IK: variants seen among roughly 807,000 people sequenced by gnomAD.
IK encodes the protein protein Red.
In IK, 47 loss-of-function variants were observed where a neutral mutation model predicts 90.9. The observed-to-expected ratio is 0.52, with a 90% confidence interval of 0.41 to 0.66. IK has a LOEUF of 0.66. IK is among the 30% of genes least tolerant of loss of function. IK has a pLI of 0.00. For synonymous variants in IK, 201 were observed against 227.5 expected (o/e 0.88, Z 1.05); for missense variants, 385 against 709.3 (o/e 0.54, Z 5.19).
chr5:140,661,072 G>A lies in IK; in HGVS notation c.1413+257G>A. The A allele has an allele frequency of 2.3e-6, 1 of 427,514 alleles. No individual in the cohort carries two copies. The highest frequency in any genetic ancestry group is 4.1e-6 in the Non-Finnish European group (1 of 243,062). 26.5% of individuals were successfully genotyped at this position (427,514 alleles called of 1,614,324 possible). A position where few individuals can be genotyped will look rare whatever the true frequency, so the allele number is the denominator to read the frequency against. ...GTGCCAGGCTTTGATTCCCATGGTA[G>A]GCAGTAAGCAAGCATCAATGCATAA... is the stretch of plus-strand genomic sequence containing the variant. On this transcript the variant is annotated intron_variant, in intron 16 of 19. Coordinates refer to ENST00000417647, the MANE Select transcript of IK (RefSeq NM_006083.4). The surrounding 1 kb of genome is among the most constrained non-coding windows in gnomAD (Gnocchi z 4.2).
At position 140,662,422 on chromosome 5, in the gene IK, A is replaced by G. The variant is rs1561982047; in HGVS notation, c.*93A>G. The G allele has an allele frequency of 7.5e-7, 1 of 1,338,184 alleles. No homozygotes were observed. Among genetic ancestry groups the G allele is most frequent in the African/African-American group, 1.5e-5 (1 of 68,808 alleles). The allele number at this position is 1,338,184 out of a possible 1,614,324, so 82.9% of individuals were successfully genotyped here. On this transcript the variant is annotated 3_prime_UTR_variant, in exon 20 of 20. Transcript: ENST00000417647. Reference sequence around the variant, plus strand: ...AAGGTTGCAAGATGTTTTTTTGTGGATGAATATAAAATTTTATTGTGTAAT... The same window carrying G: ...AAGGTTGCAAGATGTTTTTTTGTGGGTGAATATAAAATTTTATTGTGTAAT...
rs999061512 is a variant in IK, at chr5:140,659,955, C to T, written c.1274+121C>T. The T allele has an allele frequency of 2.5e-5, 23 of 933,254 alleles. No individual in the cohort carries two copies. The Admixed American group carries it at 2.7e-4, about 11-fold the overall frequency. 57.8% of individuals were successfully genotyped at this position (933,254 alleles called of 1,614,324 possible). On this transcript the variant is annotated intron_variant, in intron 14 of 19. Coordinates refer to ENST00000417647, the MANE Select transcript of IK (RefSeq NM_006083.4). ...CCTTCCCTTTTACGCTGAATTTTGA[C>T]AGAATGAAACCATCCCTTGTTCCTT...
intron 1 of IK, 83 bp downstream of exon 1, chr5:140,648,007 GGTGTGTGTGTGTGTGTGTGTGTGTGTGT>G: frequency 1.1e-6 from 1 of 930,684 alleles, no homozygotes; most frequent in Non-Finnish European, 1.7e-6. Context: ...GCTTAAGCCG[GGTGTGTGTGTGTGTGTGTGTGTGTGTGT>G]GTGTGTGTGT....
In IK at chr5:140,652,149, T is replaced by TGAAG. The variant is rs755686736; in HGVS notation, c.236+8_236+11dup. ...TGCACGAAGGAGGAAAAAGAAAAGG[T>TGAAG]GAAGGAAGGGTGAAGGGTTTTAGAT... On this transcript the variant is annotated splice_region_variant and intron_variant, in intron 4 of 19. Transcript: ENST00000417647. 5.0e-6 allele frequency: 8 copies of TGAAG among 1,610,810 alleles called. No individual in the cohort carries two copies. In the East Asian group the frequency reaches 1.8e-4, roughly 36 times the overall value.
rs767608350 is a variant in IK, at chr5:140,654,076, G to T, written c.519+24G>T. On this transcript the variant is annotated intron_variant, in intron 6 of 19. Transcript: ENST00000417647. Reference sequence around the variant, plus strand: ...AGGTGAGTCCTGGTGGTCAGGTGGGGAGTAATACTGTCGTGCTGAATGCTC... The same window carrying T: ...AGGTGAGTCCTGGTGGTCAGGTGGGTAGTAATACTGTCGTGCTGAATGCTC... 4 of 1,337,934 alleles carry T rather than the reference G, an allele frequency of 3.0e-6. No individual in the cohort carries two copies. The African/African-American group carries it at 4.3e-5, about 14-fold the overall frequency. 82.9% of individuals were successfully genotyped at this position (1,337,934 alleles called of 1,614,324 possible). A position where few individuals can be genotyped will look rare whatever the true frequency, so the allele number is the denominator to read the frequency against.
At chr5:140,659,190 G>GT (rs1757761538) in intron 12 of IK, 26 bp downstream of exon 12, 1 of 1,595,244 alleles carries the variant, frequency 6.3e-7, no homozygotes, top group Non-Finnish European at 8.5e-7. Flanking sequence ...TTAGTACCAG[G>GT]TGATGGAGTT....
At chr5:140,660,254 G>A in intron 15 of IK, 59 bp downstream of exon 15, 1 of 965,038 alleles carries the variant, frequency 1.0e-6, no homozygotes, top group African/African-American at 1.8e-5. Flanking sequence ...AGTTGGGGGT[G>A]AAATGGAAAT....
Position 140,648,550 on chromosome 5 carries a change from T to A in IK, c.83+13T>A, listed in dbSNP as rs1448596112. 6.2e-7 allele frequency: 1 copy of A among 1,612,584 alleles called. No individual in the cohort carries two copies. Among genetic ancestry groups the A allele is most frequent in the South Asian group, 1.1e-5 (1 of 91,050 alleles). On this transcript the variant is annotated intron_variant, in intron 2 of 19. Transcript: ENST00000417647. ...ACTCCTTCCACCAGTGAGTATTTTG[T>A]GCTAGGACCATGGAAATGAGTTGGG...
At position 140,658,969 on chromosome 5, in the gene IK, C is replaced by T. The variant is rs1273111322; in HGVS notation, c.981C>T (p.Pro327=). The change falls in exon 12 of 20, where the codon CCC becomes CCT. Residue 327 remains proline, a synonymous_variant. Transcript: ENST00000417647. ...TTGAAGACATTGGGGATTACGTACC[C>T]TCCACAACCAAGACACCTCGGGACA... ...NIFEDIGDYV[P]STTKTPRDKE... 6.2e-7 allele frequency: 1 copy of T among 1,613,950 alleles called. No homozygotes were observed. The highest frequency in any genetic ancestry group is 8.5e-7 in the Non-Finnish European group (1 of 1,179,888).
At chr5:140,648,693 A>T (rs1757546260) in intron 2 of IK, among the ~76,000 whole-genome samples, 156 bp downstream of exon 2, 1 of 152,076 alleles carries the variant, frequency 6.6e-6, no homozygotes, top group Admixed American at 6.6e-5. Flanking sequence ...GGATCAGGCC[A>T]AGTGCATAAG....
chr5:140,659,771 A>T lies in IK; in HGVS notation c.1211A>T (p.Lys404Met), dbSNP rs1294600977. 1.3e-6 allele frequency: 2 copies of T among 1,596,508 alleles called. No individual in the cohort carries two copies. The stretch of plus-strand genomic sequence containing the variant: ...TTTCTCCTAGGACCTGGGTCTACCA[A>T]GGAGTTGATCAAGTCCATCAATGAA... ...MDVDKGPGST[K>M]ELIKSINEKF... The change falls in exon 14 of 20, where the codon AAG (lysine) becomes ATG (methionine). Residue 404 changes from lysine to methionine, a missense_variant. By Grantham distance (95) the Lys-to-Met change is moderately conservative. Around this residue, in one of 8 missense-constraint regions of IK, gnomAD observed 139 missense variants for 172.0 expected, o/e 0.81. Coordinates refer to ENST00000417647, the MANE Select transcript of IK (RefSeq NM_006083.4).
chr5:140,654,805 T>C, intron 8 of IK, 78 bp downstream of exon 8: 1 of 949,002 alleles, frequency 1.1e-6, no homozygotes, highest in Non-Finnish European at 1.6e-6. Context: ...AAGGATATGC[T>C]TCTCCTTTCC....
chr5:140,661,215 A>T lies in IK; in HGVS notation c.1413+400A>T. On this transcript the variant is annotated intron_variant, in intron 16 of 19. Transcript: ENST00000417647. This position sits in a 1 kb window ranked among gnomAD's most constrained non-coding sequence, Gnocchi z 4.2. ...TAAAAAGAAAAAAACCACTAATGCCACTAATAGTGAAGAAGTCTGTGTTCT... is the reference window on the plus strand; with the variant it reads ...TAAAAAGAAAAAAACCACTAATGCCTCTAATAGTGAAGAAGTCTGTGTTCT... 1 of 252,966 alleles carries T rather than the reference A, an allele frequency of 4.0e-6. No homozygotes were observed. Among genetic ancestry groups the T allele is most frequent in the Non-Finnish European group, 7.5e-6 (1 of 133,632 alleles). 15.7% of individuals were successfully genotyped at this position (252,966 alleles called of 1,614,324 possible). A position where few individuals can be genotyped will look rare whatever the true frequency, so the allele number is the denominator to read the frequency against.
chr5:140,656,540 G>T (rs147466206), intron 9 of IK, among the ~76,000 whole-genome samples: 1 of 148,408 alleles, frequency 6.7e-6, no homozygotes, highest in Non-Finnish European at 1.5e-5. Context: ...TCTGGTTTCC[G>T]CACTTCCACT....
chr5:140,651,962 C>A, intron 3 of IK, 126 bp from the exon 4 acceptor site: 1 of 856,358 alleles, frequency 1.2e-6, no homozygotes, highest in Non-Finnish European at 2.0e-6. Flanking sequence ...GTGTGGATTT[C>A]TGCTTGATTG....
At chr5:140,648,294 C>T in intron 1 of IK, 177 bp from the exon 2 acceptor site, 1 of 721,498 alleles carries the variant, frequency 1.4e-6, no homozygotes, top group Non-Finnish European at 2.5e-6. Flanking sequence ...GATTAGGGTC[C>T]TCTGCTTTGT....
Position 140,655,860 on chromosome 5 carries a change from CA to C in IK, c.672del (p.Ala225HisfsTer17). 2 of 1,610,116 alleles carry C rather than the reference CA, an allele frequency of 1.2e-6. No homozygotes were observed. The highest frequency in any genetic ancestry group is 1.7e-6 in the Non-Finnish European group (2 of 1,178,112). On this transcript the variant is annotated frameshift_variant, in exon 9 of 20. Transcript: ENST00000417647. LOFTEE classifies it high-confidence loss of function. Reference protein sequence around the residue: ...RNVYRMLFKSKAYERNELFLP... With the variant: ...RNVYRMLFKSXAYERNELFLP... ...ATGTTTACCGAATGCTTTTTAAGAG[CA>C]AAGCATATGAGCGGAATGAGTTGTT...
rs1480068900 is a variant in IK, at chr5:140,662,321, A to G, written c.1666A>G (p.Lys556Glu). The G allele has an allele frequency of 1.2e-6, 2 of 1,613,892 alleles. No homozygotes were observed. Among genetic ancestry groups the G allele is most frequent in the Non-Finnish European group, 1.7e-6 (2 of 1,179,866 alleles). The part of the protein sequence containing the change: ...EADGVEVKRP[K>E]Y ...TTGCAGGGTTGAAGTCAAAAGACCA[A>G]AATACTAATCACTAGTTACAACCAG... Residue 556 changes from lysine (K) to glutamate (E), a missense_variant, in exon 20 of 20, where the codon AAA (lysine) becomes GAA (glutamate). This residue lies in a region of IK where 29 missense variants were observed against 41.8 expected (regional missense o/e 0.69). Transcript: ENST00000417647.
rs1391057325 is a variant in IK at position 140,653,790 on chromosome 5, A to G, written c.405-148A>G. On this transcript the variant is annotated intron_variant, in intron 5 of 19. Transcript: ENST00000417647. ...CAGCTAATTTTTGTATTTTTAGTAG[A>G]GATGGGGTTTCACCATATCCACCAG... is the stretch of plus-strand genomic sequence containing the variant. 3 of 560,088 alleles carry G rather than the reference A, an allele frequency of 5.4e-6. No individual in the cohort carries two copies. In the African/African-American group the frequency reaches 5.7e-5, roughly 11 times the overall value. The allele number at this position is 560,088 out of a possible 1,614,324, so 34.7% of individuals were successfully genotyped here.
Sources: allele counts gnomAD v4.1 joint callset (sites outside exome capture counted in the v4.1 genomes callset), GRCh38; gene constraint gnomAD v4.1.1; regional missense constraint gnomAD v4.1.1; non-coding constraint Gnocchi (gnomAD v3.1); transcripts MANE v1.5; gene names NCBI Gene and HGNC (gene_info 2026-07-23, HGNC 2026-07-21).